Variants in ZNF536 observed in about 807,000 individuals in gnomAD.
ZNF536 encodes the protein zinc finger protein 536.
Under a neutral mutation model 84.5 loss-of-function variants are expected in ZNF536, and 13 were observed. The observed-to-expected ratio is 0.15, with a 90% CI of 0.10 to 0.24. ZNF536 has a LOEUF of 0.24. ZNF536 is among the 10% of genes least tolerant of loss of function. The pLI, the probability that ZNF536 is intolerant of heterozygous loss-of-function variation, is 1.00. For synonymous variants in ZNF536, 811 were observed against 742.5 expected (o/e 1.09, Z -1.50); for missense variants, 1,536 against 1,747.5 (o/e 0.88, Z 2.16).
intron 2 of ZNF536, among the ~76,000 whole-genome samples, chr19:30,531,138 C>T (rs2044797387): frequency 6.6e-6 from 1 of 152,336 alleles, no homozygotes; most frequent in Non-Finnish European, 1.5e-5. Context: ...AAAAAAATCC[C>T]TTTTCTTTGT....
At chr19:30,449,031 C>T (rs2052479613) in intron 2 of ZNF536, among the ~76,000 whole-genome samples, 1 of 152,166 alleles carries the variant, frequency 6.6e-6, no homozygotes, top group Non-Finnish European at 1.5e-5. Context: ...TTCTTTGGCT[C>T]TCCAAACTGC....
intron 2 of ZNF536, among the ~76,000 whole-genome samples, chr19:30,459,983 T>C (rs1331594892): frequency 6.6e-6 from 1 of 152,146 alleles, no homozygotes; most frequent in African/African-American, 2.4e-5. Context: ...AGGTCTGGAC[T>C]CTAACTGAGG....
At chr19:30,585,759 G>GCCCTCCTA (rs1255479309) in intron 1 of ZNF536, among the ~76,000 whole-genome samples, 1 of 152,018 alleles carries the variant, frequency 6.6e-6, no homozygotes, top group Non-Finnish European at 1.5e-5. Context: ...CTTCCCTCCT[G>GCCCTCCTA]CCCTCCTACC....
At chr19:30,422,837 T>TCATC (rs1209524429) in intron 1 of ZNF536, among the ~76,000 whole-genome samples, 2 of 117,736 alleles carry the variant, frequency 1.7e-5, no homozygotes, top group Admixed American at 8.3e-5. Context: ...ATCTACACAT[T>TCATC]CATCCATCCA....
At chr19:30,607,025 G>T (rs900083882) in intron 1 of ZNF536, among the ~76,000 whole-genome samples, 27 of 152,176 alleles carry the variant, frequency 1.8e-4, no homozygotes, top group African/African-American at 6.3e-4. Flanking sequence ...CCATGCCATT[G>T]TACCAACCTG....
downstream of ZNF536, among the ~76,000 whole-genome samples, chr19:30,558,581 C>G (rs1457177093): frequency 6.6e-6 from 1 of 152,160 alleles, no homozygotes. Flanking sequence ...TTCTGCTGAC[C>G]TTTTCGGACT....
chr19:30,672,895 G>A (rs2050610194), intron 1 of ZNF536, among the ~76,000 whole-genome samples: 1 of 152,198 alleles, frequency 6.6e-6, no homozygotes, highest in Admixed American at 6.5e-5. Context: ...GAGGAACTAT[G>A]TGGACAACCT....
chr19:30,286,003 G>C (rs1419168534), intron 2 of ZNF536, among the ~76,000 whole-genome samples: 1 of 152,178 alleles, frequency 6.6e-6, no homozygotes, highest in Non-Finnish European at 1.5e-5. Flanking sequence ...CTTTGGCTTT[G>C]GGAGAGAAGA....
chr19:30,458,139 C>T (rs114111800), intron 2 of ZNF536, among the ~76,000 whole-genome samples: 92 of 152,302 alleles, frequency 6.0e-4, no homozygotes, highest in African/African-American at 2.2e-3. Flanking sequence ...TGGAGCCGGG[C>T]CCCACACACA....
intron 2 of ZNF536, 150 bp from the exon 3 acceptor site, chr19:30,534,697 C>A: frequency 3.7e-6 from 3 of 804,924 alleles, no homozygotes; most frequent in Non-Finnish European, 5.5e-6. Context: ...CAAGAAAATA[C>A]ATGAATTGTC....
intron 2 of ZNF536, among the ~76,000 whole-genome samples, chr19:30,309,794 T>A (rs551884101): frequency 2.4e-4 from 37 of 152,324 alleles, no homozygotes; most frequent in Non-Finnish European, 4.9e-4. Flanking sequence ...CATTCACGTC[T>A]CCCTCCTCCC....
intron 1 of ZNF536, among the ~76,000 whole-genome samples, chr19:30,637,819 C>T (rs2049127206): frequency 6.6e-6 from 1 of 152,170 alleles, no homozygotes; most frequent in African/African-American, 2.4e-5. Context: ...TGCTTCTCAC[C>T]TTGCTTTTCT....
intron 2 of ZNF536, among the ~76,000 whole-genome samples, chr19:30,449,415 C>T (rs576247250): frequency 6.6e-6 from 1 of 152,360 alleles, no homozygotes; most frequent in South Asian, 2.1e-4. Context: ...TAGGGCTGAG[C>T]TCGAATCCTC....
intron 1 of ZNF536, among the ~76,000 whole-genome samples, chr19:30,630,139 G>T (rs917960392): frequency 6.6e-6 from 1 of 152,220 alleles, no homozygotes; most frequent in Non-Finnish European, 1.5e-5. Flanking sequence ...AGCACCAGGG[G>T]CTACAGCTGG....
At chr19:30,356,947 G>A (rs549518034) in intron 3 of ZNF536, among the ~76,000 whole-genome samples, 1 of 152,300 alleles carries the variant, frequency 6.6e-6, no homozygotes, top group Non-Finnish European at 1.5e-5. Context: ...CAAACCTGGT[G>A]GTTCGAGCAT....
intron 2 of ZNF536, among the ~76,000 whole-genome samples, chr19:30,337,357 A>G (rs952022389): frequency 2.0e-5 from 3 of 152,190 alleles, no homozygotes; most frequent in African/African-American, 7.2e-5. Flanking sequence ...CTGTGTCCGC[A>G]TGAACTGTAG....
At chr19:30,664,913 C>A (rs1346483253) in intron 1 of ZNF536, among the ~76,000 whole-genome samples, 1 of 152,190 alleles carries the variant, frequency 6.6e-6, no homozygotes, top group Non-Finnish European at 1.5e-5. Context: ...CCACCCCAGC[C>A]TCTGTTTATC....
chr19:30,245,187 C>T (rs1599866061), intron 1 of ZNF536, among the ~76,000 whole-genome samples: 1 of 152,222 alleles, frequency 6.6e-6, no homozygotes, highest in South Asian at 2.1e-4. Context: ...CTGGCTGCCC[C>T]AGCACAATGC....
chr19:30,655,714 C>T (rs184098864), intron 1 of ZNF536, among the ~76,000 whole-genome samples: 1 of 152,298 alleles, frequency 6.6e-6, no homozygotes, highest in Admixed American at 6.5e-5. Context: ...TCTCCTTTTG[C>T]TCTTTAGTGT....
Sources: gnomAD v4.1 joint callset for allele counts (sites outside exome capture counted in the v4.1 genomes callset) on GRCh38, gnomAD v4.1.1 for gene constraint, MANE v1.5 for transcripts, NCBI Gene and HGNC (gene_info 2026-07-23, HGNC 2026-07-21) for gene names.